Variants in GOSR2 observed in about 807,000 individuals in gnomAD.
The protein encoded by GOSR2 is 27 kDa Golgi SNARE protein.
GOSR2 carries 20 observed loss-of-function variants against 27.9 expected under a neutral mutation model. The ratio of observed to expected loss-of-function variants is 0.72; its 90% CI spans 0.50 to 1.04. GOSR2 has a LOEUF of 1.04. GOSR2 is among the 50% of genes least tolerant of loss of function. The probability of loss-of-function intolerance (pLI) is 0.00; values close to 1 mark genes in which losing one functional copy is unlikely to be tolerated. For missense variants in GOSR2, 261 were observed against 270.5 expected (o/e 0.97, Z 0.25); for synonymous variants, 91 against 98.8 (o/e 0.92, Z 0.47).
At position 46,940,092 on chromosome 17, in the gene GOSR2, C is replaced by T; in HGVS notation, c.*1332C>T. 8.8e-7 allele frequency: 1 copy of T among 1,141,966 alleles called. No individual in the cohort carries two copies. 70.7% of individuals were successfully genotyped at this position (1,141,966 alleles called of 1,614,324 possible). ...GCTTGAACTGTCTTCTGTCTTATTT[C>T]CCTTCCTTTCTGTGTTCCTCTTCAC... is the stretch of plus-strand genomic sequence containing the variant. On this transcript the variant is annotated 3_prime_UTR_variant, in exon 6 of 6. Coordinates refer to ENST00000640051, the MANE Select transcript of GOSR2 (RefSeq NM_004287.5).
At chr17:46,956,639 T>C (rs1303695314) in intron 6 of GOSR2, among the ~76,000 whole-genome samples, 1 of 152,104 alleles carries the variant, frequency 6.6e-6, no homozygotes, top group African/African-American at 2.4e-5. Context: ...CCCTTGATGA[T>C]TGTGTAATGA....
At chr17:46,936,569 A>G in intron 5 of GOSR2, 1 of 985,576 alleles carries the variant, frequency 1.0e-6, no homozygotes, top group African/African-American at 1.7e-5. Context: ...TTCAAAAGGA[A>G]CATAGGAGAG....
intron 6 of GOSR2, chr17:46,948,562 C>T (rs1036951099): frequency 2.0e-5 from 3 of 152,242 alleles, no homozygotes; most frequent in Non-Finnish European, 4.4e-5. Context: ...TCTTTCTCTC[C>T]CAGCCTCAGT....
At chr17:46,946,847 A>G (rs1482068755), downstream of GOSR2, among the ~76,000 whole-genome samples, 1 of 152,200 alleles carries the variant, frequency 6.6e-6, no homozygotes, top group Non-Finnish European at 1.5e-5. Context: ...TGGGTGACGA[A>G]ATGAGACTCT....
At chr17:46,966,736 T>A (rs2091335688) in exon 7 of GOSR2, 1 of 473,434 alleles carries the variant, frequency 2.1e-6, no homozygotes, top group Non-Finnish European at 3.7e-6. Context: ...TTGAGCAATT[T>A]GTGCCTTGTT....
At chr17:46,927,720 G>T (rs574631480) in intron 1 of GOSR2, among the ~76,000 whole-genome samples, 1 of 152,194 alleles carries the variant, frequency 6.6e-6, no homozygotes, top group South Asian at 2.1e-4. Flanking sequence ...GCCTTTCCTT[G>T]TCTGTCTGCA....
At chr17:46,928,961 CT>C (rs2086902829) in intron 1 of GOSR2, among the ~76,000 whole-genome samples, 2 of 152,220 alleles carry the variant, frequency 1.3e-5, no homozygotes, top group South Asian at 4.2e-4. Flanking sequence ...AGAGCTGCCC[CT>C]CTTTCTGTTT....
At position 46,940,034 on chromosome 17, in the gene GOSR2, G is replaced by T; in HGVS notation, c.*1274G>T. Reference sequence around the variant, plus strand: ...CTCAGTATTAACCCTACCTTTGGTTGTCCTGCCCTACCTGCTCTGTTAGTT... The same window carrying T: ...CTCAGTATTAACCCTACCTTTGGTTTTCCTGCCCTACCTGCTCTGTTAGTT... On this transcript the variant is annotated 3_prime_UTR_variant, in exon 6 of 6. Coordinates refer to ENST00000640051, the MANE Select transcript of GOSR2 (RefSeq NM_004287.5). 2 of 1,049,502 alleles carry T rather than the reference G, an allele frequency of 1.9e-6. No homozygotes were observed. Among genetic ancestry groups the T allele is most frequent in the Non-Finnish European group, 2.3e-6 (2 of 868,938 alleles). The allele number at this position is 1,049,502 out of a possible 1,614,324, so 65.0% of individuals were successfully genotyped here. A position where few individuals can be genotyped will look rare whatever the true frequency, so the allele number is the denominator to read the frequency against.
At chr17:46,947,635 G>C (rs149405151) in intron 6 of GOSR2, among the ~76,000 whole-genome samples, 2 of 152,320 alleles carry the variant, frequency 1.3e-5, no homozygotes, top group Non-Finnish European at 1.5e-5. Context: ...TCCTGACTTT[G>C]CTGTTTATTA....
In GOSR2 at chr17:46,931,182, C is replaced by G. The variant is rs750058795; in HGVS notation, c.178C>G (p.Pro60Ala). 6.3e-7 allele frequency: 1 copy of G among 1,596,014 alleles called. No individual in the cohort carries two copies. The highest frequency in any genetic ancestry group is 8.6e-7 in the Non-Finnish European group (1 of 1,163,438). Reference sequence around the variant, plus strand: ...GGAGATTTTGTCCAGCAAGGAGCCCCCTAACAAAAGGCAAAATGCCAGACT... The same window carrying G: ...GGAGATTTTGTCCAGCAAGGAGCCCGCTAACAAAAGGCAAAATGCCAGACT... Reference protein sequence around the residue: ...RLEILSSKEPPNKRQNARLRV... With the variant: ...RLEILSSKEPANKRQNARLRV... The change falls in exon 3 of 6, where the codon CCT becomes GCT. Residue 60 changes from proline to alanine, a missense_variant. Physicochemically the swap from Pro to Ala is conservative, Grantham distance 27. Coordinates refer to ENST00000640051, the MANE Select transcript of GOSR2 (RefSeq NM_004287.5).
downstream of GOSR2, chr17:46,968,809 C>T (rs538541537): frequency 1.3e-5 from 2 of 152,444 alleles, no homozygotes; most frequent in Admixed American, 1.3e-4. Flanking sequence ...GCACCACCTG[C>T]AGTCATTGAA....
At chr17:46,949,698 C>T (rs993111177) in intron 6 of GOSR2, among the ~76,000 whole-genome samples, 2 of 152,234 alleles carry the variant, frequency 1.3e-5, no homozygotes, top group African/African-American at 4.8e-5. Context: ...GAAGTAGTAT[C>T]TACTTACCCT....
chr17:46,964,319 A>C (rs1340412919), intron 6 of GOSR2: 1 of 152,282 alleles, frequency 6.6e-6, no homozygotes, highest in Non-Finnish European at 1.5e-5. Context: ...TCTGACATCC[A>C]AGGCCCTTTG....
Position 46,939,306 on chromosome 17 carries a change from T to A in GOSR2, c.*546T>A. On this transcript the variant is annotated 3_prime_UTR_variant, in exon 6 of 6. Transcript: ENST00000640051. ...ATGTAGATGACTGACTGCCAATACT[T>A]GTCACCATTCCCTGGAAGCAGCTAC... 9.9e-7 allele frequency: 1 copy of A among 1,014,012 alleles called. No homozygotes were observed. Among genetic ancestry groups the A allele is most frequent in the Non-Finnish European group, 1.2e-6 (1 of 845,014 alleles). 62.8% of individuals were successfully genotyped at this position (1,014,012 alleles called of 1,614,324 possible). A position where few individuals can be genotyped will look rare whatever the true frequency, so the allele number is the denominator to read the frequency against.
At chr17:46,935,235 CTG>C (rs1309787120) in intron 5 of GOSR2, 66 bp downstream of exon 5, 5 of 1,611,574 alleles carry the variant, frequency 3.1e-6, no homozygotes, top group Admixed American at 1.7e-5. Flanking sequence ...AGTTTAGTAA[CTG>C]TGTTTATATT....
intron 6 of GOSR2, among the ~76,000 whole-genome samples, chr17:46,950,525 A>T (rs1398909412): frequency 6.6e-6 from 1 of 152,206 alleles, no homozygotes; most frequent in Non-Finnish European, 1.5e-5. Flanking sequence ...CCTATTGGAA[A>T]TGGAAGGGTA....
chr17:46,941,487 A>C lies in GOSR2; in HGVS notation c.*2727A>C. On this transcript the variant is annotated 3_prime_UTR_variant, in exon 6 of 6. Coordinates refer to ENST00000640051, the MANE Select transcript of GOSR2 (RefSeq NM_004287.5). ...CAGGGGCTGGGCTGGCTGCTTCAGA[A>C]GCAGTGGGGAAGCTTTTTAAAATTA... 1.1e-6 allele frequency: 1 copy of C among 923,050 alleles called. No homozygotes were observed. Among genetic ancestry groups the C allele is most frequent in the Non-Finnish European group, 1.3e-6 (1 of 773,048 alleles). The allele number at this position is 923,050 out of a possible 1,614,324, so 57.2% of individuals were successfully genotyped here.
chr17:46,938,807 G>T lies in GOSR2; in HGVS notation c.*47G>T, dbSNP rs762839548. 1.2e-6 allele frequency: 2 copies of T among 1,609,946 alleles called. No individual in the cohort carries two copies. Among genetic ancestry groups the T allele is most frequent in the African/African-American group, 1.3e-5 (1 of 74,870 alleles). ...AACAGCATTCCCACAGCCTGCAAGT[G>T]TGTGTGTGTGTGAAAGAGAGAGGGG... On this transcript the variant is annotated 3_prime_UTR_variant, in exon 6 of 6. Coordinates refer to ENST00000640051, the MANE Select transcript of GOSR2 (RefSeq NM_004287.5).
chr17:46,974,650 C>T (rs568367488), intron 6 of GOSR2, among the ~76,000 whole-genome samples: 7 of 151,738 alleles, frequency 4.6e-5, no homozygotes, highest in Admixed American at 4.6e-4. Flanking sequence ...AGGAGGATGG[C>T]GTGAACCCGG....
Sources: allele counts gnomAD v4.1 joint callset (sites outside exome capture counted in the v4.1 genomes callset), GRCh38; gene constraint gnomAD v4.1.1; transcripts MANE v1.5; gene names NCBI Gene and HGNC (gene_info 2026-07-23, HGNC 2026-07-21).